The following TENM2 variants were observed in gnomAD, a reference collection of about 807,000 sequenced individuals.
TENM2 encodes teneurin transmembrane protein 2.
Under a neutral mutation model 245.2 loss-of-function variants are expected in TENM2, and 52 were observed. The ratio of observed to expected loss-of-function variants is 0.21; its 90% CI spans 0.17 to 0.27. TENM2 has a LOEUF of 0.27. Ranked by LOEUF, TENM2 falls within the 10% of genes least tolerant of loss-of-function variation. The probability of loss-of-function intolerance (pLI) is 1.00; values close to 1 mark genes in which losing one functional copy is unlikely to be tolerated. For synonymous variants in TENM2, 1,363 were observed against 1,438.9 expected (o/e 0.95, Z 1.19); for missense variants, 3,046 against 3,666.8 (o/e 0.83, Z 4.37).
At chr5:168,220,825 G>A (rs969890087) in intron 23 of TENM2, among the ~76,000 whole-genome samples, 1 of 152,168 alleles carries the variant, frequency 6.6e-6, no homozygotes, top group Non-Finnish European at 1.5e-5. Context: ...AGAAAAGTCT[G>A]TCCTGGTCGG....
At chr5:167,795,317 G>A (rs1038940985) in intron 2 of TENM2, among the ~76,000 whole-genome samples, 2 of 152,168 alleles carry the variant, frequency 1.3e-5, no homozygotes, top group African/African-American at 4.8e-5. Context: ...GGACAAATGA[G>A]GAAGCTCTTT....
the TENM2 span, among the ~76,000 whole-genome samples, chr5:167,127,113 A>G: frequency 1.3e-5 from 2 of 152,098 alleles, no homozygotes; most frequent in Admixed American, 1.3e-4. Flanking sequence ...ATCTTTGGCC[A>G]GGAAAGATGA....
the TENM2 span, among the ~76,000 whole-genome samples, chr5:167,019,036 C>T: frequency 1.5e-4 from 23 of 152,268 alleles, no homozygotes; most frequent in African/African-American, 5.1e-4. Context: ...GGTCTTCAGA[C>T]TTAATTGTGA....
chr5:167,196,145 A>G, the TENM2 span, among the ~76,000 whole-genome samples: 2 of 152,072 alleles, frequency 1.3e-5, no homozygotes, highest in Non-Finnish European at 1.5e-5. Context: ...ATAGATCTGT[A>G]TAGCATGTTA....
rs1025734151 is a variant in TENM2 at position 168,214,314 on chromosome 5, A to T, written c.3846-726A>T. Reference sequence around the variant, plus strand: ...ATACACTTCACACACACACAAAGGTATTAATCCCCTAGTGTGGCTGGGAGC... The same window carrying T: ...ATACACTTCACACACACACAAAGGTTTTAATCCCCTAGTGTGGCTGGGAGC... On this transcript the variant is annotated intron_variant, in intron 20 of 28. Coordinates refer to ENST00000518659, the Ensembl canonical transcript of TENM2. Among the ~76,000 whole-genome samples the T allele has an allele frequency of 3.9e-5, 6 of 152,212 alleles. 2 individuals carry two copies. The South Asian group carries it at 1.0e-3, about 26-fold the overall frequency.
chr5:167,558,833 T>C (rs1344336039), intron 2 of TENM2, among the ~76,000 whole-genome samples: 1 of 150,816 alleles, frequency 6.6e-6, no homozygotes, highest in African/African-American at 2.4e-5. Context: ...TGGTCTTCCA[T>C]GAATCCAGAC....
intron 25 of TENM2, among the ~76,000 whole-genome samples, chr5:168,235,394 C>T (rs780166846): frequency 1.3e-5 from 2 of 152,164 alleles, no homozygotes; most frequent in Non-Finnish European, 2.9e-5. Context: ...CCCAAGCAAA[C>T]ATTACTTTTG....
chr5:167,367,914 A>C (rs182510060), intron 1 of TENM2, among the ~76,000 whole-genome samples: 1 of 152,248 alleles, frequency 6.6e-6, no homozygotes, highest in East Asian at 1.9e-4. Context: ...AAAAAGTACT[A>C]TAACGTTATA....
At chr5:167,407,525 GA>G (rs964164710) in intron 2 of TENM2, among the ~76,000 whole-genome samples, 50 of 151,156 alleles carry the variant, frequency 3.3e-4, no homozygotes, top group African/African-American at 1.1e-3. Flanking sequence ...ATCTTTTGTA[GA>G]AAAAAAAATG....
the TENM2 span, among the ~76,000 whole-genome samples, chr5:166,979,209 G>GCAGCAGCACCACCAC: frequency 7.5e-5 from 11 of 147,028 alleles, 1 homozygote; most frequent in South Asian, 1.9e-3. Context: ...AGCAGCAGCA[G>GCAGCAGCACCACCAC]CAGCAGCAGC....
At chr5:167,761,303 A>T (rs1427835366) in intron 2 of TENM2, among the ~76,000 whole-genome samples, 1 of 152,170 alleles carries the variant, frequency 6.6e-6, no homozygotes, top group South Asian at 2.1e-4. Context: ...ACCCATTAAC[A>T]TATAAGCTCA....
At chr5:167,256,521 G>C in the TENM2 span, among the ~76,000 whole-genome samples, 1 of 152,092 alleles carries the variant, frequency 6.6e-6, no homozygotes, top group Non-Finnish European at 1.5e-5. Flanking sequence ...GATATTTATA[G>C]CAGATGTAAT....
At chr5:167,276,362 G>A in the TENM2 span, among the ~76,000 whole-genome samples, 2,235 of 139,924 alleles carry the variant, frequency 0.016, 34 homozygotes, top group South Asian at 0.022. Context: ...TTGTGTGTGT[G>A]TGTGTGTGTG....
rs570026336 is a variant in TENM2 at position 167,829,858 on chromosome 5, T to C, written c.503-46128T>C. Among the ~76,000 whole-genome samples the C allele has an allele frequency of 1.6e-4, 24 of 152,226 alleles. No homozygotes were observed. The South Asian group carries it at 3.1e-3, about 20-fold the overall frequency. On this transcript the variant is annotated intron_variant, in intron 2 of 28. Coordinates refer to ENST00000518659, the Ensembl canonical transcript of TENM2. ...GCATGTGACACCATGAGGAATCCCA[T>C]GGTGGGAAAGAGAGGCTATGCAGAA...
chr5:167,503,196 T>C (rs1419232230), intron 2 of TENM2, among the ~76,000 whole-genome samples: 1 of 152,158 alleles, frequency 6.6e-6, no homozygotes, highest in Non-Finnish European at 1.5e-5. Context: ...CAGTAAGCAA[T>C]TGAGTTAAAA....
chr5:167,133,617 G>GAAAAAA, the TENM2 span, among the ~76,000 whole-genome samples: 1 of 67,508 alleles, frequency 1.5e-5, no homozygotes, highest in Admixed American at 1.5e-4. Flanking sequence ...ACTCAAACTT[G>GAAAAAA]GAAAAAAAAA....
chr5:167,623,685 A>T (rs933858271), intron 2 of TENM2, among the ~76,000 whole-genome samples: 3 of 152,122 alleles, frequency 2.0e-5, no homozygotes, highest in Non-Finnish European at 4.4e-5. Context: ...TCTTGTATTG[A>T]TCTTTTTTGT....
intron 2 of TENM2, among the ~76,000 whole-genome samples, chr5:167,620,416 T>TA (rs1369284588): frequency 6.6e-6 from 1 of 152,164 alleles, no homozygotes; most frequent in African/African-American, 2.4e-5. Context: ...GCATGACTCT[T>TA]AAAGACTGTT....
intron 9 of TENM2, among the ~76,000 whole-genome samples, chr5:168,107,283 G>A (rs1439806716): frequency 1.3e-5 from 2 of 151,918 alleles, no homozygotes; most frequent in African/African-American, 4.8e-5. Context: ...TGCTCACTCG[G>A]CTACCAACCT....
Sources: gnomAD v4.1 joint callset for allele counts (sites outside exome capture counted in the v4.1 genomes callset) on GRCh38, gnomAD v4.1.1 for gene constraint, MANE v1.5 for transcripts, NCBI Gene and HGNC (gene_info 2026-07-23, HGNC 2026-07-21) for gene names.